The following BRINP3 variants were observed in gnomAD, a reference collection of about 807,000 sequenced individuals.
The protein encoded by BRINP3 is BMP/retinoic acid inducible neural specific 3.
A neutral mutation model predicts 71.0 loss-of-function variants in BRINP3; 19 were observed. That is an observed-to-expected ratio of 0.27 (90% CI 0.19 to 0.39). The LOEUF (loss-of-function observed/expected upper bound fraction) is 0.39, where lower values mean the gene tolerates loss of function less well. BRINP3 is among the 10% of genes least tolerant of loss of function. BRINP3 has a pLI of 1.00. For missense variants in BRINP3, 959 were observed against 940.8 expected (o/e 1.02, Z -0.25); for synonymous variants, 380 against 337.7 (o/e 1.13, Z -1.37).
intron 6 of BRINP3, among the ~76,000 whole-genome samples, chr1:190,223,343 C>T (rs1399184483): frequency 1.3e-5 from 2 of 151,874 alleles, no homozygotes; most frequent in Non-Finnish European, 2.9e-5. Flanking sequence ...CCTAGGGATA[C>T]AAAGATGGTT....
intron 7 of BRINP3, among the ~76,000 whole-genome samples, chr1:190,135,842 T>A (rs928843028): frequency 6.6e-6 from 1 of 152,084 alleles, no homozygotes; most frequent in East Asian, 1.9e-4. Context: ...ACAGCATATA[T>A]CATTTTTCCT....
chr1:190,324,705 T>C (rs1666467598), intron 2 of BRINP3, among the ~76,000 whole-genome samples: 1 of 151,936 alleles, frequency 6.6e-6, no homozygotes. Context: ...ATATTTTAAA[T>C]AATAGATATC....
chr1:190,245,526 T>C (rs1479217831), intron 4 of BRINP3, among the ~76,000 whole-genome samples: 2 of 151,988 alleles, frequency 1.3e-5, no homozygotes, highest in African/African-American at 4.8e-5. Flanking sequence ...TTTCTTTAAC[T>C]GAAACATCAT....
chr1:190,139,826 A>G (rs1240099798), intron 7 of BRINP3, among the ~76,000 whole-genome samples: 1 of 152,154 alleles, frequency 6.6e-6, no homozygotes, highest in African/African-American at 2.4e-5. Context: ...TAGGCCCAAT[A>G]TTATATCTAT....
intron 6 of BRINP3, among the ~76,000 whole-genome samples, chr1:190,162,844 A>C (rs922735585): frequency 6.6e-6 from 1 of 152,124 alleles, no homozygotes. Flanking sequence ...TTAATATGAC[A>C]CTTGAATAAT....
At chr1:190,216,655 T>A (rs1453567073) in intron 6 of BRINP3, among the ~76,000 whole-genome samples, 1 of 151,936 alleles carries the variant, frequency 6.6e-6, no homozygotes, top group Admixed American at 6.6e-5. Flanking sequence ...CTTAGCATTC[T>A]GTGCTAATCC....
At position 190,249,331 on chromosome 1, in the gene BRINP3, C is replaced by A. The variant is rs112798815; in HGVS notation, c.619-14854G>T. On this transcript the variant is annotated intron_variant, in intron 4 of 7. Transcript: ENST00000367462. ...TTGGTAAATTGTAGACCTCCAGACA[C>A]ATTTACCCTTATATGGAGTACTAAA... 3.3e-3 allele frequency among the ~76,000 whole-genome samples: 497 copies of A among 151,948 alleles called. 4 individuals are homozygous for A. Among genetic ancestry groups the A allele is most frequent in the African/African-American group, 0.011 (460 of 41,514 alleles).
intron 2 of BRINP3, among the ~76,000 whole-genome samples, chr1:190,356,408 A>G (rs1668731693): frequency 6.6e-6 from 1 of 152,016 alleles, no homozygotes. Context: ...TTTTCCATTC[A>G]GGCTCTGTGA....
chr1:190,238,144 T>C (rs535182600), intron 4 of BRINP3, among the ~76,000 whole-genome samples: 31 of 152,170 alleles, frequency 2.0e-4, no homozygotes, highest in African/African-American at 7.2e-4. Flanking sequence ...ACTGTCCACT[T>C]CAATTGTCTC....
intron 6 of BRINP3, among the ~76,000 whole-genome samples, chr1:190,173,639 A>G (rs186850970): frequency 2.0e-4 from 31 of 152,356 alleles, no homozygotes; most frequent in Middle Eastern, 3.4e-3. Flanking sequence ...ATTCTTAGAA[A>G]TTATTGAAGA....
At position 190,393,838 on chromosome 1, in the gene BRINP3, C is replaced by T. The variant is rs77440322; in HGVS notation, c.236+60817G>A. On this transcript the variant is annotated intron_variant, in intron 2 of 7. Transcript: ENST00000367462. ...GTTATGGCTAGTTTTGTGCACTCAC[C>T]GCAGAATTTCAGTTTTAAAAAGTGT... Among the ~76,000 whole-genome samples the T allele has an allele frequency of 8.9e-3, 1,350 of 151,528 alleles. 13 individuals are homozygous for T. Among genetic ancestry groups the T allele is most frequent in the African/African-American group, 0.029 (1,208 of 41,412 alleles).
At chr1:190,425,902 A>G (rs1032769415) in intron 2 of BRINP3, among the ~76,000 whole-genome samples, 2 of 151,828 alleles carry the variant, frequency 1.3e-5, no homozygotes, top group Non-Finnish European at 2.9e-5. Context: ...GGAAGCCAAT[A>G]AATCTGACTC....
chr1:190,470,437 G>A (rs1054171281), intron 1 of BRINP3, among the ~76,000 whole-genome samples: 108 of 151,094 alleles, frequency 7.1e-4, no homozygotes, highest in Admixed American at 2.6e-3. Context: ...TAATATGGTA[G>A]CTACTTTATT....
chr1:190,252,884 AACTCGTCATTT>A (rs1660276679), intron 4 of BRINP3, among the ~76,000 whole-genome samples: 1 of 151,902 alleles, frequency 6.6e-6, no homozygotes, highest in South Asian at 2.1e-4. Flanking sequence ...TGCAGCCATT[AACTCGTCATTT>A]ACATTAGGTA....
rs1222281187 is a variant in BRINP3 at position 190,404,503 on chromosome 1, A to G, written c.236+50152T>C. Among the ~76,000 whole-genome samples, 3 of 152,162 alleles carry G rather than the reference A, an allele frequency of 2.0e-5. No individual in the cohort carries two copies. In the South Asian group the frequency reaches 6.2e-4, roughly 32 times the overall value. On this transcript the variant is annotated intron_variant, in intron 2 of 7. Transcript: ENST00000367462. ...TACTTTGCTTAAAGATGAACTCCTA[A>G]AAGTGTTTTAATATTTTCACAGCAA...
At chr1:190,178,367 G>A (rs1383277730) in intron 6 of BRINP3, among the ~76,000 whole-genome samples, 1 of 151,962 alleles carries the variant, frequency 6.6e-6, no homozygotes, top group Non-Finnish European at 1.5e-5. Context: ...ATTAGTTTAT[G>A]TTGTTATTAT....
chr1:190,421,723 C>A (rs974451852), intron 2 of BRINP3, among the ~76,000 whole-genome samples: 3 of 151,638 alleles, frequency 2.0e-5, no homozygotes, highest in Admixed American at 6.6e-5. Context: ...TGCCATTAGA[C>A]AAATCAAATT....
intron 6 of BRINP3, among the ~76,000 whole-genome samples, chr1:190,225,864 C>A (rs1287270717): frequency 1.3e-5 from 2 of 151,904 alleles, no homozygotes; most frequent in African/African-American, 2.4e-5. Flanking sequence ...AATACATCAA[C>A]TTAGGATCAG....
At chr1:190,228,368 T>C (rs952834266) in intron 5 of BRINP3, among the ~76,000 whole-genome samples, 1 of 152,060 alleles carries the variant, frequency 6.6e-6, no homozygotes, top group African/African-American at 2.4e-5. Context: ...TTATCCATTT[T>C]AATCTTAATT....
Sources: allele counts gnomAD v4.1 joint callset (sites outside exome capture counted in the v4.1 genomes callset), GRCh38; gene constraint gnomAD v4.1.1; transcripts MANE v1.5; gene names NCBI Gene and HGNC (gene_info 2026-07-23, HGNC 2026-07-21).